Variants in RYR2 observed in about 807,000 individuals in gnomAD.
The protein encoded by RYR2 is ryanodine receptor 2.
A neutral mutation model predicts 601.1 loss-of-function variants in RYR2; 227 were observed. That is an observed-to-expected ratio of 0.38 (90% CI 0.34 to 0.42). RYR2 has a LOEUF of 0.42. Among genes scored for constraint, RYR2 ranks in the 10% least tolerant of loss-of-function variants. The pLI, the probability that RYR2 is intolerant of heterozygous loss-of-function variation, is 1.00. For synonymous variants in RYR2, 2,223 were observed against 2,175.1 expected (o/e 1.02, Z -0.61); for missense variants, 4,646 against 6,156.5 (o/e 0.75, Z 8.21).
At chr1:237,304,388 T>C (rs1693669930) in intron 2 of RYR2, among the ~76,000 whole-genome samples, 1 of 152,202 alleles carries the variant, frequency 6.6e-6, no homozygotes, top group Non-Finnish European at 1.5e-5. Flanking sequence ...TCATATAAAA[T>C]ATGCAAATTA....
intron 17 of RYR2, among the ~76,000 whole-genome samples, chr1:237,479,463 T>C (rs1172763644): frequency 6.6e-6 from 1 of 152,196 alleles, no homozygotes; most frequent in Non-Finnish European, 1.5e-5. Flanking sequence ...CAGGAGAACT[T>C]TTAAAATTGA....
chr1:237,381,565 G>A (rs116927034), intron 8 of RYR2, among the ~76,000 whole-genome samples: 1 of 152,112 alleles, frequency 6.6e-6, no homozygotes, highest in Non-Finnish European at 1.5e-5. Flanking sequence ...CACTAACAGC[G>A]ATGGTTAAGC....
At chr1:237,772,278 A>C (rs751582591) in intron 86 of RYR2, among the ~76,000 whole-genome samples, 178 bp downstream of exon 86, 3 of 152,178 alleles carry the variant, frequency 2.0e-5, no homozygotes, top group Non-Finnish European at 2.9e-5. Flanking sequence ...CTGCTTCTGA[A>C]CGTGCCTCCT....
chr1:237,304,874 A>G (rs538502030), intron 2 of RYR2, among the ~76,000 whole-genome samples: 2 of 152,368 alleles, frequency 1.3e-5, no homozygotes, highest in South Asian at 4.1e-4. Context: ...TGGTCAATCA[A>G]TACAAAAGTG....
At chr1:237,661,367 G>C (rs1006668361) in intron 56 of RYR2, among the ~76,000 whole-genome samples, 1 of 152,034 alleles carries the variant, frequency 6.6e-6, no homozygotes, top group Non-Finnish European at 1.5e-5. Flanking sequence ...GCTAGGGGAG[G>C]GATAGCATTA....
intron 17 of RYR2, among the ~76,000 whole-genome samples, chr1:237,482,554 A>G (rs113677520): frequency 0.038 from 5,815 of 152,214 alleles, 325 homozygotes; most frequent in African/African-American, 0.12. Context: ...TTATGGCTGA[A>G]TAGTACTCCA....
At chr1:237,640,825 A>C in intron 46 of RYR2, 72 bp from the exon 47 acceptor site, 3 of 1,202,462 alleles carry the variant, frequency 2.5e-6, no homozygotes, top group Non-Finnish European at 3.6e-6. Flanking sequence ...CTTTCCTCGG[A>C]GAGATATGTA....
At chr1:237,297,225 G>A (rs1692876169) in intron 2 of RYR2, among the ~76,000 whole-genome samples, 1 of 152,158 alleles carries the variant, frequency 6.6e-6, no homozygotes, top group Non-Finnish European at 1.5e-5. Flanking sequence ...GAATGCGAGG[G>A]CAAAGATTGA....
chr1:237,293,364 A>C (rs1692438656), intron 2 of RYR2, among the ~76,000 whole-genome samples: 1 of 151,870 alleles, frequency 6.6e-6, no homozygotes, highest in Non-Finnish European at 1.5e-5. Flanking sequence ...GTGCCACCAC[A>C]CCCGGCTAAT....
chr1:237,431,810 T>A (rs182858855), intron 12 of RYR2, among the ~76,000 whole-genome samples: 3 of 152,240 alleles, frequency 2.0e-5, no homozygotes, highest in Non-Finnish European at 2.9e-5. Context: ...TTGCTAAATG[T>A]CCCTAGTGAG....
intron 2 of RYR2, among the ~76,000 whole-genome samples, chr1:237,305,896 A>G (rs966740583): frequency 6.6e-6 from 1 of 152,200 alleles, no homozygotes; most frequent in African/African-American, 2.4e-5. Context: ...TTTATTTAAA[A>G]TATGCATTTC....
chr1:237,497,381 A>C (rs1447178530), intron 20 of RYR2, among the ~76,000 whole-genome samples: 1 of 152,206 alleles, frequency 6.6e-6, no homozygotes, highest in Non-Finnish European at 1.5e-5. Flanking sequence ...TGAATACTTT[A>C]TATTAAAAAA....
intron 101 of RYR2, among the ~76,000 whole-genome samples, chr1:237,821,386 G>C (rs978793812): frequency 1.2e-4 from 19 of 152,110 alleles, no homozygotes; most frequent in African/African-American, 4.6e-4. Flanking sequence ...AGGCAAACAG[G>C]GTCTGGAGTG....
chr1:237,178,327 T>A (rs1678291431), intron 1 of RYR2, among the ~76,000 whole-genome samples: 1 of 152,114 alleles, frequency 6.6e-6, no homozygotes, highest in African/African-American at 2.4e-5. Context: ...TGAAAAGGCA[T>A]TCTTATAGTA....
chr1:237,493,694 T>C (rs554480339), intron 19 of RYR2, among the ~76,000 whole-genome samples: 156 of 152,300 alleles, frequency 1.0e-3, no homozygotes, highest in South Asian at 3.3e-3. Flanking sequence ...CCTCGTGATC[T>C]GCCCGCCTTG....
intron 89 of RYR2, among the ~76,000 whole-genome samples, chr1:237,782,782 G>A (rs1000496300): frequency 5.3e-5 from 8 of 152,140 alleles, no homozygotes; most frequent in African/African-American, 1.9e-4. Flanking sequence ...CAGTTCAATG[G>A]TAATATTATC....
chr1:237,784,014 T>G lies in RYR2; in HGVS notation c.12302T>G (p.Leu4101Arg). Residue 4101 changes from leucine (L) to arginine (R), a missense_variant, in exon 90 of 105, where the codon CTT becomes CGT. Leu to Arg is a moderately radical substitution (Grantham distance 102). Around this residue, in one of 17 missense-constraint regions of RYR2, gnomAD observed 70 missense variants for 164.6 expected, o/e 0.43. Transcript: ENST00000366574. The surrounding 1 kb of genome is among the most constrained non-coding windows in gnomAD (Gnocchi z 7.1). ...GACATCGGCTTCAACGTCGCCGTCC[T>G]TCTGACAAACCTCTCTGAGCACATG... ...AKDIGFNVAV[L>R]LTNLSEHMPN... 6.2e-7 allele frequency: 1 copy of G among 1,613,990 alleles called. No individual in the cohort carries two copies. Among genetic ancestry groups the G allele is most frequent in the Non-Finnish European group, 8.5e-7 (1 of 1,179,866 alleles).
At chr1:237,434,383 A>C (rs963016499) in intron 12 of RYR2, among the ~76,000 whole-genome samples, 4 of 152,246 alleles carry the variant, frequency 2.6e-5, no homozygotes, top group African/African-American at 9.6e-5. Context: ...TGAATAAAAT[A>C]GGAAATCATT....
intron 1 of RYR2, among the ~76,000 whole-genome samples, chr1:237,216,170 C>A (rs962816969): frequency 6.6e-6 from 1 of 152,088 alleles, no homozygotes; most frequent in Non-Finnish European, 1.5e-5. Flanking sequence ...TTCAACTTAA[C>A]TTTAATTCTA....
Sources: allele counts gnomAD v4.1 joint callset (sites outside exome capture counted in the v4.1 genomes callset), GRCh38; gene constraint gnomAD v4.1.1; regional missense constraint gnomAD v4.1.1; non-coding constraint Gnocchi (gnomAD v3.1); transcripts MANE v1.5; gene names NCBI Gene and HGNC (gene_info 2026-07-23, HGNC 2026-07-21).